Variants in PAM observed in about 807,000 individuals in gnomAD.
PAM encodes the protein peptidyl-glycine alpha-amidating monooxygenase.
In PAM, 72 loss-of-function variants were observed where a neutral mutation model predicts 122.1. The observed-to-expected ratio is 0.59, with a 90% CI of 0.49 to 0.72. PAM has a LOEUF of 0.72. Ranked by LOEUF, PAM falls within the 30% of genes least tolerant of loss-of-function variation. The pLI, the probability that PAM is intolerant of heterozygous loss-of-function variation, is 0.00. For missense variants in PAM, 1,106 were observed against 1,183.7 expected (o/e 0.93, Z 0.96); for synonymous variants, 389 against 404.4 (o/e 0.96, Z 0.46).
At chr5:102,779,218 A>G (rs1757944933) in intron 1 of PAM, among the ~76,000 whole-genome samples, 1 of 151,076 alleles carries the variant, frequency 6.6e-6, no homozygotes, top group South Asian at 2.1e-4. Flanking sequence ...ATGCATATAT[A>G]TGTGTGTGTA....
intron 1 of PAM, among the ~76,000 whole-genome samples, chr5:102,864,266 TAGCATAGCCTTCCTGCC>T (rs1418381158): frequency 2.6e-5 from 4 of 151,118 alleles, no homozygotes; most frequent in Non-Finnish European, 5.9e-5. Flanking sequence ...GCAAAGGCAA[TAGCATAGCCTTCCTGCC>T]AATTGTTTCT....
intron 16 of PAM, among the ~76,000 whole-genome samples, chr5:103,001,758 A>G (rs904718814): frequency 2.0e-5 from 3 of 152,118 alleles, no homozygotes; most frequent in Admixed American, 6.5e-5. Context: ...GAGACTCTAC[A>G]TAAGTTCCAT....
chr5:102,813,345 A>G (rs1455299163), intron 1 of PAM, among the ~76,000 whole-genome samples: 1 of 152,236 alleles, frequency 6.6e-6, no homozygotes, highest in African/African-American at 2.4e-5. Flanking sequence ...TTTCTCACCA[A>G]CTATATTGAA....
chr5:102,952,466 G>T (rs542549781), intron 12 of PAM, among the ~76,000 whole-genome samples: 1 of 151,808 alleles, frequency 6.6e-6, no homozygotes, highest in African/African-American at 2.4e-5. Context: ...TGGGCTAAAG[G>T]AAACACCATT....
Position 103,028,886 on chromosome 5 carries a change from G to A in PAM, c.2744-1G>A. 6.3e-7 allele frequency: 1 copy of A among 1,593,650 alleles called. No homozygotes were observed. ...TTCTGTTATTGTTTGCTTTTTTTCAGGAAAGGGAAGTGGAGGCTTAAACCT... is the reference window on the plus strand; with the variant it reads ...TTCTGTTATTGTTTGCTTTTTTTCAAGAAAGGGAAGTGGAGGCTTAAACCT... On this transcript the variant is annotated splice_acceptor_variant, in intron 25 of 25. Coordinates refer to ENST00000438793, the MANE Select transcript of PAM (RefSeq NM_001177306.2). LOFTEE classifies it high-confidence loss of function.
intron 1 of PAM, among the ~76,000 whole-genome samples, chr5:102,804,571 C>T (rs979147618): frequency 6.6e-6 from 1 of 152,122 alleles, no homozygotes; most frequent in African/African-American, 2.4e-5. Context: ...AATCCAAATG[C>T]TCATAATAAA....
intron 4 of PAM, among the ~76,000 whole-genome samples, chr5:102,909,233 G>T (rs1253464309): frequency 6.6e-6 from 1 of 151,656 alleles, no homozygotes; most frequent in African/African-American, 2.4e-5. Context: ...ATCACTAGAG[G>T]CTTCCTATGC....
chr5:102,821,213 A>G (rs1771782103), intron 1 of PAM, among the ~76,000 whole-genome samples: 1 of 152,194 alleles, frequency 6.6e-6, no homozygotes, highest in Non-Finnish European at 1.5e-5. Context: ...TCTTTAAGAG[A>G]AGTTTTAGCT....
intron 3 of PAM, among the ~76,000 whole-genome samples, chr5:102,893,376 A>G (rs1581410480): frequency 1.3e-5 from 2 of 151,558 alleles, no homozygotes; most frequent in South Asian, 2.1e-4. Flanking sequence ...AGCCCTGCCA[A>G]CCTCCTTGGA....
At chr5:102,964,308 A>G (rs922266601) in intron 14 of PAM, among the ~76,000 whole-genome samples, 4 of 151,974 alleles carry the variant, frequency 2.6e-5, no homozygotes, top group African/African-American at 9.7e-5. Context: ...ATGTCTTGAC[A>G]TCTAAGTTGT....
At chr5:102,907,706 A>G (rs1800007504) in intron 4 of PAM, among the ~76,000 whole-genome samples, 1 of 151,846 alleles carries the variant, frequency 6.6e-6, no homozygotes, top group Non-Finnish European at 1.5e-5. Flanking sequence ...TTTGATTTGC[A>G]TTTCTCTGAT....
rs567267398 is a variant in PAM at position 102,786,885 on chromosome 5, T to C, written c.-374+31537T>C. 1.1e-4 allele frequency among the ~76,000 whole-genome samples: 16 copies of C among 152,158 alleles called. No homozygotes were observed. The South Asian group carries it at 2.5e-3, about 24-fold the overall frequency. Reference sequence around the variant, plus strand: ...AAAACTCTATATCAAAAGTTATAAATAAGATAACTACCAAGCAAAGGCTGA... The same window carrying C: ...AAAACTCTATATCAAAAGTTATAAACAAGATAACTACCAAGCAAAGGCTGA... On this transcript the variant is annotated intron_variant, in intron 1 of 25. Coordinates refer to ENST00000438793, the MANE Select transcript of PAM (RefSeq NM_001177306.2).
intron 3 of PAM, among the ~76,000 whole-genome samples, chr5:102,880,541 A>G (rs1429643670): frequency 6.6e-6 from 1 of 152,154 alleles, no homozygotes; most frequent in Non-Finnish European, 1.5e-5. Context: ...AGACTTAGCT[A>G]CTTAGAAATT....
At chr5:103,028,124 G>A in intron 24 of PAM, 61 bp from the exon 25 acceptor site, 3 of 1,279,162 alleles carry the variant, frequency 2.3e-6, no homozygotes, top group Non-Finnish European at 2.3e-6. Context: ...TGGAAGTTGA[G>A]TGCATGGGTT....
chr5:102,926,711 A>G (rs1749693712), intron 7 of PAM, 43 bp downstream of exon 7: 11 of 980,954 alleles, frequency 1.1e-5, no homozygotes, highest in Non-Finnish European at 1.6e-6. Flanking sequence ...TTCTAGTACT[A>G]TATTGTTTAA....
At chr5:102,870,516 T>C (rs1423311449) in intron 3 of PAM, among the ~76,000 whole-genome samples, 2 of 152,228 alleles carry the variant, frequency 1.3e-5, no homozygotes, top group Non-Finnish European at 2.9e-5. Flanking sequence ...AAAGTGGCAA[T>C]TAAAAATTTC....
intron 8 of PAM, 62 bp downstream of exon 8, chr5:102,946,947 G>C: frequency 9.6e-7 from 1 of 1,040,228 alleles, no homozygotes; most frequent in East Asian, 2.4e-5. Context: ...ACTTAGAGTG[G>C]GAAGTTTACT....
At chr5:102,844,056 C>A (rs747356638) in intron 1 of PAM, among the ~76,000 whole-genome samples, 1 of 152,184 alleles carries the variant, frequency 6.6e-6, no homozygotes, top group Non-Finnish European at 1.5e-5. Context: ...CTGGAAACAA[C>A]CAAAATGTCC....
chr5:102,984,535 G>A (rs1229139274), intron 15 of PAM, among the ~76,000 whole-genome samples: 2 of 152,070 alleles, frequency 1.3e-5, no homozygotes, highest in Non-Finnish European at 2.9e-5. Flanking sequence ...TTCAGCAAGA[G>A]GATATACCAG....
Sources: gnomAD v4.1 joint callset for allele counts (sites outside exome capture counted in the v4.1 genomes callset) on GRCh38, gnomAD v4.1.1 for gene constraint, MANE v1.5 for transcripts, NCBI Gene and HGNC (gene_info 2026-07-23, HGNC 2026-07-21) for gene names.